GPHN: variants seen among roughly 807,000 people sequenced by gnomAD.
The protein encoded by GPHN is gephyrin.
GPHN carries 17 observed loss-of-function variants against 95.5 expected under a neutral mutation model. The observed-to-expected ratio is 0.18, with a 90% CI of 0.12 to 0.27. The LOEUF (loss-of-function observed/expected upper bound fraction) is 0.27, where lower values mean the gene tolerates loss of function less well. Among genes scored for constraint, GPHN ranks in the 10% least tolerant of loss-of-function variants. The probability of loss-of-function intolerance (pLI) is 1.00; values close to 1 mark genes in which losing one functional copy is unlikely to be tolerated. For missense variants in GPHN, 660 were observed against 978.1 expected (o/e 0.67, Z 4.34); for synonymous variants, 320 against 322.5 (o/e 0.99, Z 0.08).
the GPHN span, among the ~76,000 whole-genome samples, chr14:67,438,440 C>T: frequency 6.6e-6 from 1 of 152,138 alleles, no homozygotes; most frequent in Non-Finnish European, 1.5e-5. Flanking sequence ...GCTTTGGAGT[C>T]AGGAAGATCT....
At position 67,057,411 on chromosome 14, in the gene GPHN, T is replaced by TGGG. The variant is rs776663211; in HGVS notation, c.1007-1232_1007-1230dup. 5.7e-4 allele frequency among the ~76,000 whole-genome samples: 78 copies of TGGG among 135,954 alleles called. 1 individual carries two copies. The highest frequency in any genetic ancestry group is 2.0e-3 in the African/African-American group (76 of 37,162). The allele number at this position is 135,954 out of a possible 152,430, so 89.2% of individuals were successfully genotyped here. ...CAACAAGAACACATGGGCACATGGG[T>TGGG]GGGGGGGGCAACAGCACACACTGGG... On this transcript the variant is annotated intron_variant, in intron 10 of 22. Coordinates refer to ENST00000478722, the MANE Select transcript of GPHN (RefSeq NM_020806.5).
At chr14:67,645,868 C>G in the GPHN span, 7 of 1,564,842 alleles carry the variant, frequency 4.5e-6, no homozygotes, top group East Asian at 2.2e-5. Context: ...TGGTCTAGTT[C>G]AGTTAAGATT....
At chr14:67,038,755 A>G (rs1218074345) in intron 10 of GPHN, among the ~76,000 whole-genome samples, 2 of 152,144 alleles carry the variant, frequency 1.3e-5, no homozygotes, top group African/African-American at 4.8e-5. Flanking sequence ...ATCAGAAACC[A>G]GATTTAGGAT....
At chr14:66,950,319 C>T (rs1192139177) in intron 8 of GPHN, among the ~76,000 whole-genome samples, 1 of 152,180 alleles carries the variant, frequency 6.6e-6, no homozygotes, top group South Asian at 2.1e-4. Flanking sequence ...TAGATCCTCA[C>T]TACTCCATGG....
At chr14:67,139,309 G>A (rs145096391) in intron 17 of GPHN, among the ~76,000 whole-genome samples, 1 of 151,864 alleles carries the variant, frequency 6.6e-6, no homozygotes, top group East Asian at 1.9e-4. Flanking sequence ...ATAATAGCTC[G>A]CTGCAGTCTT....
intron 3 of GPHN, among the ~76,000 whole-genome samples, chr14:66,785,704 A>G (rs2059748820): frequency 6.6e-6 from 1 of 151,274 alleles, no homozygotes; most frequent in African/African-American, 2.4e-5. Flanking sequence ...CCATAATGGA[A>G]CCAAACCAAA....
chr14:66,985,844 C>A, intron 9 of GPHN: 1 of 593,392 alleles, frequency 1.7e-6, no homozygotes. Context: ...TTTTCACCAT[C>A]CCATTTTTTT....
intron 20 of GPHN, among the ~76,000 whole-genome samples, chr14:67,168,537 G>C (rs1159396244): frequency 6.6e-6 from 1 of 152,064 alleles, no homozygotes; most frequent in Non-Finnish European, 1.5e-5. Context: ...TGGGAACCAA[G>C]CTTGTAATAC....
chr14:66,661,880 G>A (rs780487114), intron 1 of GPHN, among the ~76,000 whole-genome samples: 8 of 152,076 alleles, frequency 5.3e-5, no homozygotes, highest in African/African-American at 1.4e-4. Context: ...ACCCCAGCAC[G>A]GCACAGCTGC....
At chr14:66,962,699 A>G (rs1474259867) in intron 8 of GPHN, among the ~76,000 whole-genome samples, 1 of 151,748 alleles carries the variant, frequency 6.6e-6, no homozygotes, top group East Asian at 1.9e-4. Context: ...ACTGGATGTA[A>G]TGGCTTCTTT....
the GPHN span, among the ~76,000 whole-genome samples, chr14:67,530,953 G>A: frequency 6.6e-6 from 1 of 152,176 alleles, no homozygotes; most frequent in Non-Finnish European, 1.5e-5. Context: ...ATCATTGAAG[G>A]ACTAAATTGG....
the GPHN span, chr14:67,579,073 G>A: frequency 6.9e-5 from 84 of 1,211,026 alleles, no homozygotes; most frequent in Non-Finnish European, 8.0e-5. Context: ...ATAGGGATCC[G>A]GGGTGCCAAA....
chr14:67,119,150 T>C (rs17104000), intron 16 of GPHN, among the ~76,000 whole-genome samples: 8,287 of 152,302 alleles, frequency 0.054, 237 homozygotes, highest in Middle Eastern at 0.068. Context: ...AAACAAGTTG[T>C]CCATGATCTT....
chr14:66,723,986 T>TACACACACACACAC (rs371629259), intron 2 of GPHN, among the ~76,000 whole-genome samples: 1 of 127,862 alleles, frequency 7.8e-6, no homozygotes, highest in African/African-American at 2.9e-5. Flanking sequence ...CATGCATACA[T>TACACACACACACAC]ACACACACAC....
At chr14:67,557,377 G>A in the GPHN span, 5 of 1,613,824 alleles carry the variant, frequency 3.1e-6, no homozygotes, top group African/African-American at 6.7e-5. Context: ...AAAGGGCAAA[G>A]ATGAGCTCAT....
intron 8 of GPHN, among the ~76,000 whole-genome samples, chr14:66,927,647 C>T (rs1448699813): frequency 6.6e-6 from 1 of 152,048 alleles, no homozygotes; most frequent in Non-Finnish European, 1.5e-5. Flanking sequence ...TTCAGTTTTT[C>T]CCCATTCAGT....
chr14:66,563,837 C>T (rs2060359307), intron 1 of GPHN, among the ~76,000 whole-genome samples: 1 of 152,018 alleles, frequency 6.6e-6, no homozygotes, highest in African/African-American at 2.4e-5. Context: ...GCTTATCATT[C>T]TCTTAAGTGA....
At chr14:67,676,857 AAAT>A in the GPHN span, 1 of 152,242 alleles carries the variant, frequency 6.6e-6, no homozygotes, top group Non-Finnish European at 1.5e-5. Context: ...TGAAAACAAA[AAAT>A]AATCAAAAAG....
intron 2 of GPHN, among the ~76,000 whole-genome samples, chr14:66,734,847 G>T (rs1238261849): frequency 2.0e-5 from 3 of 152,216 alleles, no homozygotes; most frequent in Non-Finnish European, 4.4e-5. Flanking sequence ...ACTTTTAAAG[G>T]TATAAAGTAA....
Sources: allele counts gnomAD v4.1 joint callset (sites outside exome capture counted in the v4.1 genomes callset), GRCh38; gene constraint gnomAD v4.1.1; transcripts MANE v1.5; gene names NCBI Gene and HGNC (gene_info 2026-07-23, HGNC 2026-07-21).